SLC30A8: variants seen among roughly 807,000 people sequenced by gnomAD.
SLC30A8 encodes the protein proton-coupled zinc antiporter SLC30A8.
In SLC30A8, 27 loss-of-function variants were observed where a neutral mutation model predicts 36.9. That is an observed-to-expected ratio of 0.73 (90% CI 0.54 to 1.01). The LOEUF is 1.01. Among genes scored for constraint, SLC30A8 ranks in the 50% least tolerant of loss-of-function variants. The pLI is 0.00. For synonymous variants in SLC30A8, 164 were observed against 172.4 expected (o/e 0.95, Z 0.38); for missense variants, 439 against 452.0 (o/e 0.97, Z 0.26).
intron 2 of SLC30A8, among the ~76,000 whole-genome samples, chr8:117,108,037 A>G (rs981748327): frequency 4.6e-5 from 7 of 152,186 alleles, no homozygotes; most frequent in African/African-American, 1.4e-4. Context: ...TTTATTGTTT[A>G]ATATTTATCA....
intron 2 of SLC30A8, among the ~76,000 whole-genome samples, chr8:117,110,743 ATCTG>A (rs1326106097): frequency 6.6e-6 from 1 of 152,158 alleles, no homozygotes; most frequent in African/African-American, 2.4e-5. Context: ...TCATGTTCAT[ATCTG>A]TCATTTTGCT....
intron 1 of SLC30A8, among the ~76,000 whole-genome samples, chr8:117,003,159 T>C (rs1816069588): frequency 6.6e-6 from 1 of 152,220 alleles, no homozygotes; most frequent in African/African-American, 2.4e-5. Flanking sequence ...AGGTCCACAT[T>C]GCCTACAGTA....
chr8:117,157,604 G>A (rs905141999), intron 3 of SLC30A8, 87 bp from the exon 4 acceptor site: 1 of 1,462,198 alleles, frequency 6.8e-7, no homozygotes, highest in African/African-American at 1.4e-5. Flanking sequence ...TGGGGGAAGT[G>A]GCAAAGTGTC....
At position 117,089,254 on chromosome 8, in the gene SLC30A8, T is replaced by G. The variant is rs148081571; in HGVS notation, c.-225-46026T>G. Among the ~76,000 whole-genome samples, 15 of 152,334 alleles carry G rather than the reference T, an allele frequency of 9.8e-5. No homozygotes were observed. The East Asian group carries it at 2.9e-3, about 29-fold the overall frequency. ...TATGAAATTCTCTAAATATTTTTTC[T>G]AGCCCCAAATTCCATAGCTCTTGAC... On this transcript the variant is annotated intron_variant, in intron 2 of 10. Coordinates refer to the SLC30A8 transcript ENST00000427715.
At chr8:117,118,580 G>A (rs1350398442) in intron 2 of SLC30A8, among the ~76,000 whole-genome samples, 1 of 151,674 alleles carries the variant, frequency 6.6e-6, no homozygotes, top group African/African-American at 2.4e-5. Context: ...GCATTGCCAA[G>A]CCAGATAAGT....
intron 2 of SLC30A8, among the ~76,000 whole-genome samples, chr8:117,052,660 G>A (rs961981028): frequency 6.6e-6 from 1 of 152,138 alleles, no homozygotes; most frequent in Non-Finnish European, 1.5e-5. Flanking sequence ...TAGAGTTGTG[G>A]TTCAGCTGGA....
At chr8:117,072,192 C>G (rs2130800200) in intron 2 of SLC30A8, among the ~76,000 whole-genome samples, 1 of 152,300 alleles carries the variant, frequency 6.6e-6, no homozygotes, top group Non-Finnish European at 1.5e-5. Flanking sequence ...TTGACTTTGG[C>G]TAAGGGTTGG....
At chr8:117,124,976 T>C (rs1447711007) in intron 2 of SLC30A8, among the ~76,000 whole-genome samples, 2 of 151,952 alleles carry the variant, frequency 1.3e-5, no homozygotes, top group Non-Finnish European at 1.5e-5. Flanking sequence ...ACATAGCATC[T>C]AATGAAATGA....
At chr8:116,983,360 T>G (rs531070634) in intron 1 of SLC30A8, among the ~76,000 whole-genome samples, 1 of 152,304 alleles carries the variant, frequency 6.6e-6, no homozygotes, top group Non-Finnish European at 1.5e-5. Context: ...ATTTCTACTT[T>G]TTGAAATTTT....
intron 2 of SLC30A8, among the ~76,000 whole-genome samples, chr8:117,070,372 G>T (rs1818295692): frequency 2.0e-5 from 3 of 152,170 alleles, no homozygotes; most frequent in African/African-American, 7.2e-5. Flanking sequence ...CAAAGACACT[G>T]GTTCTCCTAA....
chr8:117,129,745 G>A (rs1821054682), intron 2 of SLC30A8, among the ~76,000 whole-genome samples: 2 of 151,950 alleles, frequency 1.3e-5, no homozygotes, highest in Non-Finnish European at 2.9e-5. Flanking sequence ...ATTTCTGGTG[G>A]AGACTCAGAG....
chr8:117,004,911 G>A (rs1479383514), intron 1 of SLC30A8, among the ~76,000 whole-genome samples: 3 of 151,908 alleles, frequency 2.0e-5, no homozygotes, highest in Non-Finnish European at 4.4e-5. Flanking sequence ...TTCAAAGGTT[G>A]ATATATTTTT....
At chr8:116,974,587 T>G (rs984531883) in intron 1 of SLC30A8, among the ~76,000 whole-genome samples, 6 of 152,186 alleles carry the variant, frequency 3.9e-5, no homozygotes, top group African/African-American at 1.2e-4. Context: ...ACACTGTTGG[T>G]GGGAGTGTAA....
rs1008702972 is a variant in SLC30A8, at chr8:117,152,867, C to T, written c.272-77C>T. 5 of 1,220,494 alleles carry T rather than the reference C, an allele frequency of 4.1e-6. No homozygotes were observed. In the African/African-American group the frequency reaches 6.2e-5, roughly 15 times the overall value. The allele number at this position is 1,220,494 out of a possible 1,614,324, so 75.6% of individuals were successfully genotyped here. On this transcript the variant is annotated intron_variant, in intron 2 of 7. Coordinates refer to ENST00000456015, the MANE Select transcript of SLC30A8 (RefSeq NM_173851.3). ...GTTTTGTGAGTCTGTGGCATTTTCA[C>T]CCATGATGGTTAGCATGTCTGTGAA...
At chr8:116,970,462 A>G (rs1407057935) in intron 1 of SLC30A8, among the ~76,000 whole-genome samples, 1 of 152,242 alleles carries the variant, frequency 6.6e-6, no homozygotes, top group African/African-American at 2.4e-5. Flanking sequence ...CTTTATTATC[A>G]TTATCAAGAA....
At chr8:117,104,499 A>G (rs1819884667) in intron 2 of SLC30A8, among the ~76,000 whole-genome samples, 1 of 152,134 alleles carries the variant, frequency 6.6e-6, no homozygotes, top group African/African-American at 2.4e-5. Flanking sequence ...TTCTAGCAAC[A>G]TTCTGTTCAT....
chr8:117,118,518 ATCT>A (rs1820548629), intron 2 of SLC30A8, among the ~76,000 whole-genome samples: 1 of 151,892 alleles, frequency 6.6e-6, no homozygotes, highest in Non-Finnish European at 1.5e-5. Flanking sequence ...CTAAATTAAA[ATCT>A]TCTAAGATCA....
chr8:117,166,373 ATAT>A (rs1312185835), intron 6 of SLC30A8, among the ~76,000 whole-genome samples: 1 of 152,162 alleles, frequency 6.6e-6, no homozygotes, highest in African/African-American at 2.4e-5. Context: ...TTAACAAATG[ATAT>A]TATTTTCTAT....
chr8:117,019,664 G>T (rs1033434030), intron 1 of SLC30A8, among the ~76,000 whole-genome samples: 4 of 152,160 alleles, frequency 2.6e-5, no homozygotes, highest in Admixed American at 6.5e-5. Context: ...CTAGCTCAGG[G>T]ACTGGAACAC....
Sources: gnomAD v4.1 joint callset for allele counts (sites outside exome capture counted in the v4.1 genomes callset) on GRCh38, gnomAD v4.1.1 for gene constraint, MANE v1.5 for transcripts, NCBI Gene and HGNC (gene_info 2026-07-23, HGNC 2026-07-21) for gene names.